The following NUBPL variants were observed in gnomAD, a reference collection of about 807,000 sequenced individuals.
NUBPL encodes the protein NUBP iron-sulfur cluster assembly factor, mitochondrial, also known as iron-sulfur cluster transfer protein NUBPL.
A neutral mutation model predicts 45.7 loss-of-function variants in NUBPL; 31 were observed. The ratio of observed to expected loss-of-function variants is 0.68; its 90% CI spans 0.51 to 0.92. The LOEUF (loss-of-function observed/expected upper bound fraction) is 0.92, where lower values mean the gene tolerates loss of function less well. NUBPL is among the 40% of genes least tolerant of loss of function. The pLI, the probability that NUBPL is intolerant of heterozygous loss-of-function variation, is 0.00. For missense variants in NUBPL, 401 were observed against 398.7 expected, an observed-to-expected ratio of 1.01 and a Z score of -0.05; for synonymous variants, 144 against 140.9, an observed-to-expected ratio of 1.02 and a Z score of -0.15.
chr14:31,688,730 G>A (rs1411653462), intron 6 of NUBPL, among the ~76,000 whole-genome samples: 1 of 142,550 alleles, frequency 7.0e-6, no homozygotes, highest in East Asian at 2.0e-4. Flanking sequence ...ACTCATTTCA[G>A]GGGGGTTTGT....
intron 6 of NUBPL, among the ~76,000 whole-genome samples, chr14:31,729,323 AC>A (rs2037999678): frequency 7.7e-6 from 1 of 129,596 alleles, no homozygotes; most frequent in South Asian, 2.6e-4. Flanking sequence ...TGTATATCTT[AC>A]CCCAGACACC....
intron 4 of NUBPL, among the ~76,000 whole-genome samples, chr14:31,610,608 C>A (rs1468226887): frequency 3.1e-4 from 29 of 94,646 alleles, no homozygotes; most frequent in South Asian, 1.2e-3. Flanking sequence ...AAAGATACAT[C>A]AAAAAAAAAA....
At chr14:31,585,425 AT>A (rs1335080579) in intron 3 of NUBPL, among the ~76,000 whole-genome samples, 1 of 152,098 alleles carries the variant, frequency 6.6e-6, no homozygotes, top group African/African-American at 2.4e-5. Flanking sequence ...GATGGATCAT[AT>A]TCTGTTTATC....
intron 4 of NUBPL, among the ~76,000 whole-genome samples, chr14:31,601,072 G>A (rs1226516729): frequency 1.3e-5 from 2 of 152,050 alleles, no homozygotes; most frequent in East Asian, 1.9e-4. Context: ...GTAGATATGC[G>A]GCGTTATTTC....
Position 31,598,347 on chromosome 14 carries a change from G to T in NUBPL, c.292-942G>T, listed in dbSNP as rs74040879. The stretch of plus-strand genomic sequence containing the variant: ...TTGCTTCAGTTTTTCAAAAAATTTT[G>T]TCGAGGGGTTACGAGTTTTATTCTG... On this transcript the variant is annotated intron_variant, in intron 3 of 10. Coordinates refer to ENST00000281081, the MANE Select transcript of NUBPL (RefSeq NM_025152.3). 6.6e-5 allele frequency among the ~76,000 whole-genome samples: 10 copies of T among 152,158 alleles called. No homozygotes were observed. In the East Asian group the frequency reaches 1.9e-3, roughly 29 times the overall value.
chr14:31,841,388 T>C (rs1261181568), intron 8 of NUBPL, among the ~76,000 whole-genome samples: 2 of 152,250 alleles, frequency 1.3e-5, no homozygotes, highest in Non-Finnish European at 2.9e-5. Context: ...ATATTTCTTT[T>C]CTAATACAGT....
intron 3 of NUBPL, among the ~76,000 whole-genome samples, chr14:31,576,092 G>A (rs1017342227): frequency 7.9e-5 from 12 of 152,076 alleles, no homozygotes; most frequent in African/African-American, 2.9e-4. Flanking sequence ...ATAAGAAATG[G>A]AAATACTCAT....
intron 7 of NUBPL, among the ~76,000 whole-genome samples, chr14:31,813,494 T>C (rs2039855163): frequency 6.6e-6 from 1 of 150,818 alleles, no homozygotes; most frequent in African/African-American, 2.4e-5. Flanking sequence ...TATACACACA[T>C]ACATATATAC....
Position 31,561,416 on chromosome 14 carries a change from G to C in NUBPL, c.-24G>C. 1 of 1,325,516 alleles carries C rather than the reference G, an allele frequency of 7.5e-7. No homozygotes were observed. Among genetic ancestry groups the C allele is most frequent in the Non-Finnish European group, 9.8e-7 (1 of 1,018,502 alleles). 82.1% of individuals were successfully genotyped at this position (1,325,516 alleles called of 1,614,324 possible). On this transcript the variant is annotated 5_prime_UTR_variant, in exon 1 of 11. Transcript: ENST00000281081. ...CGCCACCCGCGACAGTTTCCCAGCA[G>C]GGCTCACAGCAGCGTTCCGCGTCAT...
intron 4 of NUBPL, among the ~76,000 whole-genome samples, chr14:31,612,046 C>A (rs2034773569): frequency 6.6e-6 from 1 of 152,116 alleles, no homozygotes; most frequent in Non-Finnish European, 1.5e-5. Context: ...GCACAGGCAA[C>A]CAAAGCAAAA....
chr14:31,658,825 C>T (rs1161028347), intron 4 of NUBPL, among the ~76,000 whole-genome samples: 1 of 152,142 alleles, frequency 6.6e-6, no homozygotes, highest in African/African-American at 2.4e-5. Flanking sequence ...TAGCTATTTA[C>T]TGTGGACTCT....
chr14:31,833,358 G>C (rs2040223163), intron 8 of NUBPL, among the ~76,000 whole-genome samples: 1 of 151,474 alleles, frequency 6.6e-6, no homozygotes, highest in South Asian at 2.1e-4. Flanking sequence ...GTTATAGAGT[G>C]AGACCTTGTC....
intron 9 of NUBPL, among the ~76,000 whole-genome samples, chr14:31,847,315 C>T (rs2040469520): frequency 6.6e-6 from 1 of 152,126 alleles, no homozygotes; most frequent in Non-Finnish European, 1.5e-5. Context: ...TGTAAAAATG[C>T]CTTCCTGATT....
chr14:31,798,835 T>G (rs1457342468), intron 7 of NUBPL, among the ~76,000 whole-genome samples: 1 of 150,372 alleles, frequency 6.7e-6, no homozygotes, highest in Non-Finnish European at 1.5e-5. Flanking sequence ...TCTTATTTAC[T>G]TGAAGTGTTG....
intron 6 of NUBPL, among the ~76,000 whole-genome samples, chr14:31,706,517 A>G (rs1382649350): frequency 1.3e-5 from 2 of 152,232 alleles, no homozygotes; most frequent in South Asian, 2.1e-4. Context: ...AGAGGTTGGT[A>G]TAAGAGTTTG....
chr14:31,563,952 T>C (rs2033367338), intron 2 of NUBPL, among the ~76,000 whole-genome samples: 1 of 152,238 alleles, frequency 6.6e-6, no homozygotes, highest in Non-Finnish European at 1.5e-5. Flanking sequence ...GTTTTCATTT[T>C]ATAGAAGAGA....
intron 6 of NUBPL, among the ~76,000 whole-genome samples, chr14:31,721,710 T>C (rs1157041628): frequency 6.6e-6 from 1 of 152,016 alleles, no homozygotes. Flanking sequence ...GTACAGATTA[T>C]TTTGTCACAC....
intron 4 of NUBPL, among the ~76,000 whole-genome samples, chr14:31,621,399 A>G (rs752406553): frequency 3.3e-5 from 5 of 152,078 alleles, no homozygotes; most frequent in Non-Finnish European, 5.9e-5. Context: ...CTTGAAACCC[A>G]GGGCCCTGGT....
rs375141398 is a variant in NUBPL, at chr14:31,634,416, A to G, written c.382+35037A>G. On this transcript the variant is annotated intron_variant, in intron 4 of 10. Coordinates refer to ENST00000281081, the MANE Select transcript of NUBPL (RefSeq NM_025152.3). ...ATCCATGTCCCTACAAAGGACATGA[A>G]CTCATCATTTTTTATGGCTGCATAG... Among the ~76,000 whole-genome samples the G allele has an allele frequency of 7.3e-5, 11 of 151,398 alleles. 1 individual carries two copies. The highest frequency in any genetic ancestry group is 5.8e-4 in the East Asian group (3 of 5,142).
Sources: gnomAD v4.1 joint callset for allele counts (sites outside exome capture counted in the v4.1 genomes callset) on GRCh38, gnomAD v4.1.1 for gene constraint, MANE v1.5 for transcripts, NCBI Gene and HGNC (gene_info 2026-07-23, HGNC 2026-07-21) for gene names.